The following GFOD1 variants were observed in gnomAD, a reference collection of about 807,000 sequenced individuals.
The protein encoded by GFOD1 is glucose-fructose oxidoreductase domain-containing protein 1.
Under a neutral mutation model 25.4 loss-of-function variants are expected in GFOD1, and 9 were observed. That is an observed-to-expected ratio of 0.35 (90% CI 0.21 to 0.62). The LOEUF (loss-of-function observed/expected upper bound fraction) is 0.62, where lower values mean the gene tolerates loss of function less well. Among genes scored for constraint, GFOD1 ranks in the 20% least tolerant of loss-of-function variants. The probability of loss-of-function intolerance (pLI) is 0.72; values close to 1 mark genes in which losing one functional copy is unlikely to be tolerated. For synonymous variants in GFOD1, 253 were observed against 245.6 expected (o/e 1.03, Z -0.28); for missense variants, 403 against 556.9 (o/e 0.72, Z 2.78).
At chr6:13,469,067 A>G (rs1352898364) in intron 1 of GFOD1, among the ~76,000 whole-genome samples, 1 of 152,188 alleles carries the variant, frequency 6.6e-6, no homozygotes, top group Non-Finnish European at 1.5e-5. Flanking sequence ...TGTGACAATA[A>G]TAAACACACA....
intron 1 of GFOD1, among the ~76,000 whole-genome samples, chr6:13,380,830 T>G (rs1220373475): frequency 2.0e-5 from 3 of 152,184 alleles, no homozygotes; most frequent in Non-Finnish European, 4.4e-5. Flanking sequence ...ATTCGTCTTA[T>G]CAACAGAGCT....
intron 1 of GFOD1, among the ~76,000 whole-genome samples, chr6:13,393,742 A>G (rs1257743841): frequency 6.6e-6 from 1 of 150,976 alleles, no homozygotes; most frequent in Non-Finnish European, 1.5e-5. Flanking sequence ...TCTACAAAAT[A>G]GTACATTATT....
At chr6:13,378,991 T>G (rs1785308396) in intron 1 of GFOD1, among the ~76,000 whole-genome samples, 1 of 152,126 alleles carries the variant, frequency 6.6e-6, no homozygotes, top group Admixed American at 6.5e-5. Context: ...AAACCCCTCC[T>G]GCAGCCAGGA....
chr6:13,466,204 A>G (rs1404437426), intron 1 of GFOD1, among the ~76,000 whole-genome samples: 1 of 152,234 alleles, frequency 6.6e-6, no homozygotes, highest in Non-Finnish European at 1.5e-5. Context: ...TGGAAGGTAC[A>G]AGATGATGGT....
At chr6:13,479,319 AC>A (rs1489416631) in intron 1 of GFOD1, among the ~76,000 whole-genome samples, 2 of 152,146 alleles carry the variant, frequency 1.3e-5, no homozygotes, top group African/African-American at 4.8e-5. Context: ...CTCTCATTTT[AC>A]TTATCACACC....
At chr6:13,427,402 G>C (rs1372891606) in intron 1 of GFOD1, among the ~76,000 whole-genome samples, 1 of 152,238 alleles carries the variant, frequency 6.6e-6, no homozygotes, top group African/African-American at 2.4e-5. Flanking sequence ...CCTCATGCCT[G>C]TAATCCCAGC....
intron 1 of GFOD1, among the ~76,000 whole-genome samples, chr6:13,375,679 C>G (rs564174): frequency 0.44 from 66,838 of 151,930 alleles, 17,154 homozygotes; most frequent in East Asian, 0.67. Context: ...TACATTCAAC[C>G]CGCCCATAAG....
chr6:13,441,000 T>G (rs1172436229), intron 1 of GFOD1, among the ~76,000 whole-genome samples: 1 of 152,228 alleles, frequency 6.6e-6, no homozygotes, highest in Non-Finnish European at 1.5e-5. Context: ...TTACACAGAT[T>G]ACTTCATCTG....
rs1193598684 is a variant in GFOD1 at position 13,375,941 on chromosome 6, C to T, written c.254-10279G>A. On this transcript the variant is annotated intron_variant, in intron 1 of 1. Coordinates refer to ENST00000379287, the MANE Select transcript of GFOD1 (RefSeq NM_018988.4). ...CCATCTCTACAGCTTATATTTGAGG[C>T]TACAGTTGAGAATGCAGATATGATA... Among the ~76,000 whole-genome samples, 3 of 152,200 alleles carry T rather than the reference C, an allele frequency of 2.0e-5. No individual in the cohort carries two copies. The East Asian group carries it at 5.8e-4, about 29-fold the overall frequency.
chr6:13,462,743 A>C (rs1288819143), intron 1 of GFOD1, among the ~76,000 whole-genome samples: 1 of 152,198 alleles, frequency 6.6e-6, no homozygotes, highest in Non-Finnish European at 1.5e-5. Context: ...AACAAATCCT[A>C]TCCGCCAAAC....
Position 13,452,817 on chromosome 6 carries a change from A to G in GFOD1, c.253+33821T>C, listed in dbSNP as rs557790888. 4.6e-5 allele frequency among the ~76,000 whole-genome samples: 7 copies of G among 152,330 alleles called. No individual in the cohort carries two copies. The South Asian group carries it at 1.0e-3, about 23-fold the overall frequency. On this transcript the variant is annotated intron_variant, in intron 1 of 1. Transcript: ENST00000379287. ...TTCCAGATGAAAGGAGACTAAAGAC[A>G]AGATCGCACTGCTCCCAAGCTTTGG... is the stretch of plus-strand genomic sequence containing the variant.
intron 1 of GFOD1, among the ~76,000 whole-genome samples, chr6:13,458,629 G>A (rs1244130903): frequency 2.6e-5 from 4 of 151,682 alleles, no homozygotes; most frequent in African/African-American, 7.3e-5. Flanking sequence ...TCTACAAAAT[G>A]GTACTAATAC....
At chr6:13,478,908 A>G (rs1758687677) in intron 1 of GFOD1, among the ~76,000 whole-genome samples, 1 of 151,702 alleles carries the variant, frequency 6.6e-6, no homozygotes. Flanking sequence ...CCCCCTAAGC[A>G]CCCCCACTGC....
intron 1 of GFOD1, among the ~76,000 whole-genome samples, chr6:13,462,294 C>G (rs770605894): frequency 1.3e-5 from 2 of 152,130 alleles, no homozygotes; most frequent in Non-Finnish European, 2.9e-5. Flanking sequence ...AACCTTGGAC[C>G]GCTTCATTCT....
At chr6:13,385,590 A>G (rs9357708) in intron 1 of GFOD1, among the ~76,000 whole-genome samples, 75,727 of 152,042 alleles carry the variant, frequency 0.5, 19,939 homozygotes, top group East Asian at 0.68. Context: ...GCAGTAAGAC[A>G]AGCCAATCAT....
chr6:13,473,549 C>A (rs1758552486), intron 1 of GFOD1, among the ~76,000 whole-genome samples: 1 of 152,254 alleles, frequency 6.6e-6, no homozygotes, highest in Middle Eastern at 3.2e-3. Flanking sequence ...AAGAAAGATG[C>A]AAGTGACACT....
intron 1 of GFOD1, among the ~76,000 whole-genome samples, chr6:13,395,213 T>C (rs184225109): frequency 1.3e-5 from 2 of 152,302 alleles, no homozygotes; most frequent in Admixed American, 1.3e-4. Context: ...TATTTAAAAA[T>C]GAAAAAATTG....
At chr6:13,420,127 GGGATC>G (rs150095374) in intron 1 of GFOD1, among the ~76,000 whole-genome samples, 9,476 of 152,284 alleles carry the variant, frequency 0.062, 370 homozygotes, top group Middle Eastern at 0.12. Context: ...TGGCTCGCAT[GGGATC>G]CGTGCCTTTG....
chr6:13,454,226 A>C (rs1482461597), intron 1 of GFOD1, among the ~76,000 whole-genome samples: 5 of 152,156 alleles, frequency 3.3e-5, no homozygotes, highest in Non-Finnish European at 7.4e-5. Flanking sequence ...CCTCAGAAGG[A>C]ACCAGCCCTG....
Sources: gnomAD v4.1 joint callset for allele counts (sites outside exome capture counted in the v4.1 genomes callset) on GRCh38, gnomAD v4.1.1 for gene constraint, MANE v1.5 for transcripts, NCBI Gene and HGNC (gene_info 2026-07-23, HGNC 2026-07-21) for gene names.